CTNNB1: variants seen among roughly 807,000 people sequenced by gnomAD.
CTNNB1 encodes catenin beta-1.
Under a neutral mutation model 82.5 loss-of-function variants are expected in CTNNB1, and 6 were observed. The observed-to-expected ratio is 0.07, with a 90% CI of 0.04 to 0.14. The LOEUF (loss-of-function observed/expected upper bound fraction) is 0.14. Among genes scored for constraint, CTNNB1 ranks in the 10% least tolerant of loss-of-function variants. The probability of loss-of-function intolerance (pLI) is 1.00; values close to 1 mark genes in which losing one functional copy is unlikely to be tolerated. For missense variants in CTNNB1, 529 were observed against 980.4 expected (o/e 0.54, Z 6.15); for synonymous variants, 312 against 329.7 (o/e 0.95, Z 0.58).
intron 1 of CTNNB1, among the ~76,000 whole-genome samples, chr3:41,215,382 CAAAAA>C (rs35166040): frequency 2.7e-4 from 13 of 48,866 alleles, no homozygotes; most frequent in Admixed American, 1.1e-3. Context: ...AACACCATCT[CAAAAA>C]AAAAAAAAAA....
intron 1 of CTNNB1, among the ~76,000 whole-genome samples, chr3:41,212,745 G>C (rs1048249110): frequency 6.6e-6 from 1 of 152,166 alleles, no homozygotes; most frequent in Admixed American, 6.5e-5. Flanking sequence ...TTTCTTACAT[G>C]GCACTACATT....
At chr3:41,201,795 ATTAT>A (rs2077538127) in intron 1 of CTNNB1, among the ~76,000 whole-genome samples, 1 of 152,118 alleles carries the variant, frequency 6.6e-6, no homozygotes, top group African/African-American at 2.4e-5. Flanking sequence ...CTGTTATCTG[ATTAT>A]TTCTTTTACC....
chr3:41,239,741 G>A lies in CTNNB1; in HGVS notation c.*399G>A, dbSNP rs2078530089. On this transcript the variant is annotated 3_prime_UTR_variant, in exon 15 of 15. Transcript: ENST00000349496. ...GGGGTGGGCTGGTATCTCAGAAAGTGCCTGACACACTAACCAAGCTGAGTT... is the reference window on the plus strand; with the variant it reads ...GGGGTGGGCTGGTATCTCAGAAAGTACCTGACACACTAACCAAGCTGAGTT... 1 of 348,208 alleles carries A rather than the reference G, an allele frequency of 2.9e-6. No individual in the cohort carries two copies. Among genetic ancestry groups the A allele is most frequent in the Non-Finnish European group, 5.3e-6 (1 of 186,998 alleles). 21.6% of individuals were successfully genotyped at this position (348,208 alleles called of 1,614,324 possible).
At position 41,239,122 on chromosome 3, in the gene CTNNB1, T is replaced by TGACTC; in HGVS notation, c.2138-11_2138-7dup. On this transcript the variant is annotated splice_polypyrimidine_tract_variant and intron_variant, in intron 14 of 14. Transcript: ENST00000349496. ...CTTCTTGCCTATTTTGTTGACACCC[T>TGACTC]GACTCTTCTAGATCCTAGCTATCGT... The TGACTC allele has an allele frequency of 1.2e-6, 2 of 1,612,124 alleles. No individual in the cohort carries two copies. Among genetic ancestry groups the TGACTC allele is most frequent in the Non-Finnish European group, 1.7e-6 (2 of 1,178,520 alleles).
At chr3:41,226,959 G>A (rs1367241006) in intron 6 of CTNNB1, among the ~76,000 whole-genome samples, 2 of 152,100 alleles carry the variant, frequency 1.3e-5, no homozygotes, top group Non-Finnish European at 2.9e-5. Flanking sequence ...TGGGAAGAAG[G>A]AAATTGGGCC....
chr3:41,200,305 C>G (rs992829559), intron 1 of CTNNB1: 4 of 152,160 alleles, frequency 2.6e-5, no homozygotes, highest in Non-Finnish European at 4.4e-5. Flanking sequence ...ACTCTAAGTG[C>G]AGCGGGTGCG....
chr3:41,223,883 C>T (rs1343465656), intron 1 of CTNNB1, 138 bp from the exon 2 acceptor site: 5 of 632,268 alleles, frequency 7.9e-6, no homozygotes, highest in Non-Finnish European at 5.6e-6. Context: ...ATGAGGTCTG[C>T]GTTTCACTAA....
intron 1 of CTNNB1, among the ~76,000 whole-genome samples, chr3:41,207,247 G>T (rs2077669995): frequency 6.6e-6 from 1 of 152,142 alleles, no homozygotes. Context: ...ATTAATTATG[G>T]TTAAAATGGT....
intron 1 of CTNNB1, among the ~76,000 whole-genome samples, chr3:41,215,382 CAAAAAAAAA>C (rs35166040): frequency 2.0e-5 from 1 of 48,864 alleles, no homozygotes; most frequent in South Asian, 1.1e-3. Flanking sequence ...AACACCATCT[CAAAAAAAAA>C]AAAAAAAAAA....
rs1229480304 is a variant in CTNNB1 at position 41,215,885 on chromosome 3, GTTTT to G, written c.-48-8132_-48-8129del. On this transcript the variant is annotated intron_variant, in intron 1 of 14. Coordinates refer to ENST00000349496, the MANE Select transcript of CTNNB1 (RefSeq NM_001904.4). ...ATGGTGTATATTTCAAGTATTAAAA[GTTTT>G]TTTGGGCTGTAGTCACTGTTGAAAG... Among the ~76,000 whole-genome samples the G allele has an allele frequency of 2.0e-5, 3 of 152,076 alleles. No individual in the cohort carries two copies. In the East Asian group the frequency reaches 5.8e-4, roughly 29 times the overall value.
intron 7 of CTNNB1, among the ~76,000 whole-genome samples, chr3:41,230,154 G>A (rs2078274752): frequency 6.6e-6 from 1 of 152,180 alleles, no homozygotes; most frequent in South Asian, 2.1e-4. Flanking sequence ...ATTGCTCCAG[G>A]TAACTACTGG....
intron 1 of CTNNB1, 165 bp downstream of exon 1, chr3:41,199,835 C>G (rs2077481434): frequency 6.6e-6 from 1 of 151,200 alleles, no homozygotes; most frequent in Non-Finnish European, 1.5e-5. Flanking sequence ...TGGGCCGCGC[C>G]CGGGGCGCGG....
intron 10 of CTNNB1, 50 bp from the exon 11 acceptor site, chr3:41,235,674 A>C: frequency 6.2e-7 from 1 of 1,613,582 alleles, no homozygotes; most frequent in Non-Finnish European, 8.5e-7. Context: ...TTGTTCCTCA[A>C]ACTTTACAGA....
rs2125617109 is a variant in CTNNB1, at chr3:41,224,595, A to G, written c.83A>G (p.Gln28Arg). Residue 28 changes from glutamine (Q) to arginine (R), a missense_variant, in exon 3 of 15, where the codon CAG (glutamine) becomes CGG (arginine). This residue lies in a region of CTNNB1 where 13 missense variants were observed against 48.6 expected (regional missense o/e 0.27). Coordinates refer to ENST00000349496, the MANE Select transcript of CTNNB1 (RefSeq NM_001904.4). ...RKAAVSHWQQ[Q>R]SYLDSGIHSG... is the part of the protein sequence containing the mutation. ...GCGGCTGTTAGTCACTGGCAGCAAC[A>G]GTCTTACCTGGACTCTGGAATCCAT... 2 of 1,613,982 alleles carry G rather than the reference A, an allele frequency of 1.2e-6. No individual in the cohort carries two copies. Among genetic ancestry groups the G allele is most frequent in the East Asian group, 2.2e-5 (1 of 44,876 alleles).
chr3:41,213,306 G>A (rs189608007), intron 1 of CTNNB1, among the ~76,000 whole-genome samples: 2 of 152,214 alleles, frequency 1.3e-5, no homozygotes, highest in Non-Finnish European at 2.9e-5. Context: ...TGGCCCTTTT[G>A]CATCCTTCTT....
chr3:41,203,661 A>G (rs1361632195), intron 1 of CTNNB1, among the ~76,000 whole-genome samples: 1 of 152,214 alleles, frequency 6.6e-6, no homozygotes, highest in Admixed American at 6.5e-5. Flanking sequence ...GTGACCTAAA[A>G]TATAATGCCC....
At chr3:41,223,343 TATTG>T (rs2078096670) in intron 1 of CTNNB1, among the ~76,000 whole-genome samples, 1 of 152,142 alleles carries the variant, frequency 6.6e-6, no homozygotes, top group Non-Finnish European at 1.5e-5. Flanking sequence ...ATTTTTAAAA[TATTG>T]ATCAAAATAT....
intron 13 of CTNNB1, 51 bp from the exon 14 acceptor site, chr3:41,237,965 G>C (rs375940968): frequency 4.0e-5 from 62 of 1,534,990 alleles, no homozygotes; most frequent in Non-Finnish European, 5.2e-5. Flanking sequence ...GTACTTTTGA[G>C]AATTTTCATT....
chr3:41,213,340 T>C (rs1251694278), intron 1 of CTNNB1, among the ~76,000 whole-genome samples: 1 of 152,238 alleles, frequency 6.6e-6, no homozygotes, highest in Non-Finnish European at 1.5e-5. Flanking sequence ...ACATGTTACC[T>C]TCAAGAAGCC....
Sources: allele counts gnomAD v4.1 joint callset (sites outside exome capture counted in the v4.1 genomes callset), GRCh38; gene constraint gnomAD v4.1.1; regional missense constraint gnomAD v4.1.1; transcripts MANE v1.5; gene names NCBI Gene and HGNC (gene_info 2026-07-23, HGNC 2026-07-21).